PLXNC1: variants seen among roughly 807,000 people sequenced by gnomAD.
PLXNC1 encodes the protein plexin C1.
In PLXNC1, 75 loss-of-function variants were observed where a neutral mutation model predicts 178.2. That is an observed-to-expected ratio of 0.42 (90% CI 0.35 to 0.51). PLXNC1 has a LOEUF of 0.51. Ranked by LOEUF, PLXNC1 falls within the 20% of genes least tolerant of loss-of-function variation. The pLI is 0.02. For missense variants in PLXNC1, 1,503 were observed against 1,984.4 expected (o/e 0.76, Z 4.61); for synonymous variants, 790 against 779.9 (o/e 1.01, Z -0.22).
In PLXNC1 at chr12:94,254,893, G is replaced by A; in HGVS notation, c.2983+5G>A. ...TCCGGAAAGAGATACGTGACGGTAG[G>A]CTCCAAAATTGTGTTTGTAGAAAAA... On this transcript the variant is annotated splice_donor_5th_base_variant and intron_variant, in intron 16 of 30. Coordinates refer to ENST00000258526, the MANE Select transcript of PLXNC1 (RefSeq NM_005761.3). The A allele has an allele frequency of 3.7e-6, 6 of 1,602,526 alleles. No individual in the cohort carries two copies. The highest frequency in any genetic ancestry group is 5.1e-6 in the Non-Finnish European group (6 of 1,172,974).
intron 9 of PLXNC1, among the ~76,000 whole-genome samples, chr12:94,228,080 G>A (rs1963995155): frequency 6.6e-6 from 1 of 152,184 alleles, no homozygotes; most frequent in Non-Finnish European, 1.5e-5. Flanking sequence ...CTTACCTAAG[G>A]TCAAGTGCAA....
rs1463478096 is a variant in PLXNC1, at chr12:94,260,087, C to CT, written c.3251+354dup. On this transcript the variant is annotated intron_variant, in intron 19 of 30. Coordinates refer to ENST00000258526, the MANE Select transcript of PLXNC1 (RefSeq NM_005761.3). The surrounding 1 kb of genome is among the most constrained non-coding windows in gnomAD (Gnocchi z 4.4). ...ATTTTTTTGTTGTTGTTGTTGGAGT[C>CT]TCACTCTGTGGCCCAGGCTGAAGTG... 5.9e-5 allele frequency among the ~76,000 whole-genome samples: 9 copies of CT among 152,134 alleles called. No individual in the cohort carries two copies. Among genetic ancestry groups the CT allele is most frequent in the Non-Finnish European group, 1.2e-4 (8 of 68,018 alleles).
chr12:94,258,720 A>T (rs1964920969), intron 17 of PLXNC1, among the ~76,000 whole-genome samples: 1 of 152,238 alleles, frequency 6.6e-6, no homozygotes, highest in Admixed American at 6.5e-5. Flanking sequence ...TTTTATTTTC[A>T]CACTAAACCT....
intron 4 of PLXNC1, among the ~76,000 whole-genome samples, chr12:94,193,662 A>G (rs2135979053): frequency 6.6e-6 from 1 of 152,276 alleles, no homozygotes; most frequent in East Asian, 1.9e-4. Flanking sequence ...ACCTGAGTCA[A>G]ATGTGGGAGG....
intron 2 of PLXNC1, among the ~76,000 whole-genome samples, chr12:94,172,202 A>G (rs144885819): frequency 5.3e-5 from 8 of 152,150 alleles, no homozygotes; most frequent in African/African-American, 1.4e-4. Context: ...ACTCAACCCA[A>G]CGCAGACAGT....
chr12:94,272,139 A>G (rs1403908598), intron 21 of PLXNC1: 1 of 152,068 alleles, frequency 6.6e-6, no homozygotes, highest in Non-Finnish European at 1.5e-5. Flanking sequence ...TTTCTTTCTC[A>G]TAACCCTCCT....
chr12:94,210,793 C>T (rs1055986390), intron 5 of PLXNC1, among the ~76,000 whole-genome samples: 46 of 152,156 alleles, frequency 3.0e-4, no homozygotes, highest in African/African-American at 1.1e-3. Context: ...TTCATACAAA[C>T]TTCTACCAGT....
intron 3 of PLXNC1, among the ~76,000 whole-genome samples, chr12:94,181,928 C>T (rs1423032908): frequency 3.3e-5 from 5 of 151,846 alleles, no homozygotes; most frequent in Non-Finnish European, 2.9e-5. Flanking sequence ...ATGAATATAC[C>T]CAATGGGACT....
chr12:94,278,600 G>T (rs1396851591), intron 21 of PLXNC1, among the ~76,000 whole-genome samples: 1 of 152,114 alleles, frequency 6.6e-6, no homozygotes, highest in East Asian at 1.9e-4. Context: ...TATGGGGTGG[G>T]GATCTCAGTG....
Position 94,300,929 on chromosome 12 carries a change from G to T in PLXNC1, c.4258G>T (p.Val1420Leu). 6.2e-7 allele frequency: 1 copy of T among 1,612,910 alleles called. No individual in the cohort carries two copies. Among genetic ancestry groups the T allele is most frequent in the Non-Finnish European group, 8.5e-7 (1 of 1,179,190 alleles). Residue 1420 changes from valine (V) to leucine (L), a missense_variant, in exon 28 of 31, where the codon GTA becomes TTA. Physicochemically the swap from Val to Leu is conservative, Grantham distance 32. Around this residue, in one of 4 missense-constraint regions of PLXNC1, gnomAD observed 639 missense variants for 979.7 expected, o/e 0.65. Transcript: ENST00000258526. ...KTNSLPLRFW[V>L]NILKNPQFVF... The stretch of plus-strand genomic sequence containing the variant: ...GAACAGCCTTCCTCTTCGCTTCTGG[G>T]TAAACATCCTGAAGAACCCTCAGTT...
Position 94,298,671 on chromosome 12 carries a change from A to C in PLXNC1, c.4114A>C (p.Ile1372Leu). The change falls in exon 27 of 31, where the codon ATT becomes CTT. Residue 1372 changes from isoleucine (I) to leucine (L), a missense_variant. Transcript: ENST00000258526. ...HSVLEKLFRSIWSLPNSRAPF... is the reference protein window; with the variant it reads ...HSVLEKLFRSLWSLPNSRAPF... The stretch of plus-strand genomic sequence containing the variant: ...TGTGCTTGAAAAACTTTTTAGAAGC[A>C]TTTGGAGTTTACCCAACAGCAGAGC... 1 of 1,609,918 alleles carries C rather than the reference A, an allele frequency of 6.2e-7. No homozygotes were observed. The highest frequency in any genetic ancestry group is 8.5e-7 in the Non-Finnish European group (1 of 1,179,016).
chr12:94,196,165 G>C (rs1249488695), intron 4 of PLXNC1, among the ~76,000 whole-genome samples: 1 of 152,178 alleles, frequency 6.6e-6, no homozygotes, highest in Non-Finnish European at 1.5e-5. Flanking sequence ...ATCATGAGAG[G>C]TGAGCTACAT....
chr12:94,212,016 T>G (rs1434432902), intron 5 of PLXNC1, among the ~76,000 whole-genome samples: 1 of 152,138 alleles, frequency 6.6e-6, no homozygotes, highest in African/African-American at 2.4e-5. Context: ...GGCTCACGCC[T>G]GTAATCCCAG....
At chr12:94,224,437 C>A (rs1204286803) in intron 7 of PLXNC1, 122 bp downstream of exon 7, 21 of 693,530 alleles carry the variant, frequency 3.0e-5, no homozygotes, top group Non-Finnish European at 5.2e-5. Flanking sequence ...CCTTTTGAAG[C>A]ATGGTGTAAT....
At chr12:94,157,027 C>T (rs1961200581) in intron 1 of PLXNC1, among the ~76,000 whole-genome samples, 1 of 152,176 alleles carries the variant, frequency 6.6e-6, no homozygotes, top group African/African-American at 2.4e-5. Context: ...AACAGCCTGT[C>T]ACCTTCGGCT....
intron 23 of PLXNC1, among the ~76,000 whole-genome samples, chr12:94,283,288 G>A (rs1015367101): frequency 2.6e-5 from 4 of 152,192 alleles, no homozygotes; most frequent in Non-Finnish European, 5.9e-5. Context: ...TAGCCAGACT[G>A]GGCTAGGGTG....
At chr12:94,297,105 T>C (rs1031388552) in intron 24 of PLXNC1, 84 bp from the exon 25 acceptor site, 56 of 1,325,138 alleles carry the variant, frequency 4.2e-5, no homozygotes, top group Non-Finnish European at 5.9e-5. Flanking sequence ...ACAGCACAAA[T>C]GGGGCCTTTT....
At position 94,149,604 on chromosome 12, in the gene PLXNC1, G is replaced by A. The variant is rs1347854298; in HGVS notation, c.633G>A (p.Glu211=). ...CGGCCATCGCGCTCAAGGACACGGA[G>A]GGGCGCAGCCTGGCCACGCAGGAGC... ...HDTAIALKDT[E]GRSLATQELG... is the part of the protein sequence containing the mutation. Residue 211 remains glutamate (E), a synonymous_variant, in exon 1 of 31, where the codon GAG becomes GAA. Transcript: ENST00000258526. 4.4e-6 allele frequency: 7 copies of A among 1,579,658 alleles called. No individual in the cohort carries two copies. The highest frequency in any genetic ancestry group is 6.0e-6 in the Non-Finnish European group (7 of 1,164,396).
chr12:94,302,099 A>T (rs923616758), intron 28 of PLXNC1, among the ~76,000 whole-genome samples: 9 of 152,090 alleles, frequency 5.9e-5, no homozygotes, highest in African/African-American at 2.2e-4. Flanking sequence ...TAAAACATAA[A>T]TCTGATGATG....
Sources: allele counts gnomAD v4.1 joint callset (sites outside exome capture counted in the v4.1 genomes callset), GRCh38; gene constraint gnomAD v4.1.1; regional missense constraint gnomAD v4.1.1; non-coding constraint Gnocchi (gnomAD v3.1); transcripts MANE v1.5; gene names NCBI Gene and HGNC (gene_info 2026-07-23, HGNC 2026-07-21).